The following ATG7 variants were observed in gnomAD, a reference collection of about 807,000 sequenced individuals.
ATG7 encodes the protein ubiquitin-like modifier-activating enzyme ATG7.
In ATG7, 70 loss-of-function variants were observed where a neutral mutation model predicts 82.4. That is an observed-to-expected ratio of 0.85 (90% CI 0.70 to 1.04). ATG7 has a LOEUF of 1.04. ATG7 is among the 50% of genes least tolerant of loss of function. The probability of loss-of-function intolerance (pLI) is 0.00; values close to 1 mark genes in which losing one functional copy is unlikely to be tolerated. For synonymous variants in ATG7, 287 were observed against 313.0 expected (o/e 0.92, Z 0.88); for missense variants, 792 against 864.3 (o/e 0.92, Z 1.05).
intron 9 of ATG7, among the ~76,000 whole-genome samples, chr3:11,330,951 A>C (rs1951558136): frequency 6.6e-6 from 1 of 152,208 alleles, no homozygotes; most frequent in Non-Finnish European, 1.5e-5. Context: ...TGATTTTCTC[A>C]TTGCATAAAA....
At chr3:11,380,220 C>T (rs2077781140) in intron 19 of ATG7, among the ~76,000 whole-genome samples, 168 bp downstream of exon 19, 1 of 152,216 alleles carries the variant, frequency 6.6e-6, no homozygotes, top group South Asian at 2.1e-4. Flanking sequence ...TGTATTCATT[C>T]TCACAGTGGT....
intron 20 of ATG7, among the ~76,000 whole-genome samples, chr3:11,454,345 G>A (rs77049999): frequency 0.019 from 2,827 of 152,310 alleles, 46 homozygotes; most frequent in African/African-American, 0.023. Context: ...GCTTGGGTCA[G>A]AAATGGGCAC....
chr3:11,294,198 C>T (rs1011149897), intron 3 of ATG7, among the ~76,000 whole-genome samples: 5 of 152,042 alleles, frequency 3.3e-5, no homozygotes, highest in East Asian at 1.9e-4. Context: ...TGTTTCTACA[C>T]GTGTGCCTCA....
intron 18 of ATG7, among the ~76,000 whole-genome samples, chr3:11,368,203 C>T (rs2076752978): frequency 1.5e-5 from 2 of 135,866 alleles, no homozygotes; most frequent in Admixed American, 8.0e-5. Context: ...GTTGTTCCTT[C>T]TTCCCATCAA....
At chr3:11,434,249 C>T (rs934500616) in intron 20 of ATG7, among the ~76,000 whole-genome samples, 1 of 152,198 alleles carries the variant, frequency 6.6e-6, no homozygotes, top group Admixed American at 6.5e-5. Flanking sequence ...TGTACAGCTT[C>T]ATCAAGAGCC....
intron 5 of ATG7, among the ~76,000 whole-genome samples, chr3:11,305,345 T>C (rs569774163): frequency 7.3e-4 from 111 of 152,370 alleles, no homozygotes; most frequent in African/African-American, 2.3e-3. Context: ...GTTCTTGGTA[T>C]GCAGTTTTCT....
intron 20 of ATG7, among the ~76,000 whole-genome samples, chr3:11,471,745 C>CTTTTTTTTTTTTTTTTTTT (rs200590021): frequency 1.9e-5 from 2 of 105,694 alleles, no homozygotes; most frequent in African/African-American, 3.8e-5. Flanking sequence ...TTTTAGATTT[C>CTTTTTTTTTTTTTTTTTTT]TTTTTTTTTT....
At chr3:11,523,244 T>C (rs2092487395) in intron 20 of ATG7, among the ~76,000 whole-genome samples, 1 of 152,180 alleles carries the variant, frequency 6.6e-6, no homozygotes, top group African/African-American at 2.4e-5. Context: ...TTCTTCTCTT[T>C]CTTGGGCGGG....
the ATG7 span, among the ~76,000 whole-genome samples, chr3:11,571,235 T>A: frequency 6.6e-6 from 1 of 152,236 alleles, no homozygotes; most frequent in East Asian, 1.9e-4. Context: ...TGTCTCTGCC[T>A]TCTATGCGTC....
intron 9 of ATG7, among the ~76,000 whole-genome samples, chr3:11,325,247 CATG>C (rs1201077439): frequency 5.9e-5 from 9 of 152,276 alleles, no homozygotes; most frequent in African/African-American, 7.2e-5. Context: ...GCATGACTGT[CATG>C]GTGGTGGATT....
intron 19 of ATG7, among the ~76,000 whole-genome samples, chr3:11,386,650 G>T (rs978399204): frequency 2.0e-5 from 3 of 152,104 alleles, no homozygotes; most frequent in African/African-American, 7.2e-5. Flanking sequence ...TTTCCAAAAG[G>T]GATATAAATC....
chr3:11,285,052 G>A (rs1390563727), intron 3 of ATG7, among the ~76,000 whole-genome samples: 4 of 148,402 alleles, frequency 2.7e-5, no homozygotes, highest in East Asian at 4.0e-4. Context: ...GGGTTTCACC[G>A]TGTTAGCCAG....
chr3:11,376,950 A>G lies in ATG7; in HGVS notation c.1876-3022A>G, dbSNP rs866642961. ...GAGACGGGGTTTCACCGTGTTAGCC[A>G]GGATGGTCTTGATCTCCTGACCTCA... is the stretch of plus-strand genomic sequence containing the variant. On this transcript the variant is annotated intron_variant, in intron 18 of 20. Coordinates refer to ENST00000693202, the MANE Select transcript of ATG7 (RefSeq NM_001349232.2). 5.3e-5 allele frequency among the ~76,000 whole-genome samples: 8 copies of G among 152,180 alleles called. No homozygotes were observed. The East Asian group carries it at 5.8e-4, about 11-fold the overall frequency.
rs1036340616 is a variant in ATG7 at position 11,489,776 on chromosome 3, G to C, written c.2079+62850G>C. 4.6e-5 allele frequency among the ~76,000 whole-genome samples: 7 copies of C among 151,332 alleles called. No homozygotes were observed. The East Asian group carries it at 5.8e-4, about 13-fold the overall frequency. On this transcript the variant is annotated intron_variant, in intron 20 of 20. Coordinates refer to ENST00000693202, the MANE Select transcript of ATG7 (RefSeq NM_001349232.2). Reference sequence around the variant, plus strand: ...GAGCAGGTTGTTCAGTTTCCATGTAGTTGAGCGGTTTTGAGTGAGTTTCTT... The same window carrying C: ...GAGCAGGTTGTTCAGTTTCCATGTACTTGAGCGGTTTTGAGTGAGTTTCTT...
At chr3:11,498,629 A>T (rs890813812) in intron 20 of ATG7, among the ~76,000 whole-genome samples, 1 of 152,140 alleles carries the variant, frequency 6.6e-6, no homozygotes, top group Admixed American at 6.5e-5. Flanking sequence ...GTGCTCCAAG[A>T]CCTGCTGGCC....
intron 20 of ATG7, among the ~76,000 whole-genome samples, chr3:11,434,805 AG>A (rs1336196878): frequency 6.6e-6 from 1 of 152,202 alleles, no homozygotes; most frequent in Admixed American, 6.5e-5. Flanking sequence ...GCGAGAAAGA[AG>A]GGGGGAAATC....
chr3:11,461,458 T>C (rs1461061881), intron 20 of ATG7, among the ~76,000 whole-genome samples: 1 of 152,180 alleles, frequency 6.6e-6, no homozygotes, highest in African/African-American at 2.4e-5. Flanking sequence ...AGGCTTTCAC[T>C]TTTCCCCTCT....
At chr3:11,396,949 A>ATTTTTCTATTTGTTT (rs2079348094) in intron 19 of ATG7, among the ~76,000 whole-genome samples, 1 of 152,140 alleles carries the variant, frequency 6.6e-6, no homozygotes, top group African/African-American at 2.4e-5. Context: ...TGATAGACTA[A>ATTTTTCTATTTGTTT]ACAGTAAACA....
intron 20 of ATG7, among the ~76,000 whole-genome samples, chr3:11,540,909 G>GCC (rs1427676238): frequency 7.8e-6 from 1 of 128,516 alleles, no homozygotes; most frequent in Non-Finnish European, 1.7e-5. Flanking sequence ...GCTTTTTTTG[G>GCC]GGGGGGGAGG....
Sources: allele counts gnomAD v4.1 joint callset (sites outside exome capture counted in the v4.1 genomes callset), GRCh38; gene constraint gnomAD v4.1.1; transcripts MANE v1.5; gene names NCBI Gene and HGNC (gene_info 2026-07-23, HGNC 2026-07-21).